The following TTC7B variants were observed in gnomAD, a reference collection of about 807,000 sequenced individuals.
The protein encoded by TTC7B is tetratricopeptide repeat protein 7B.
In TTC7B, 28 loss-of-function variants were observed where a neutral mutation model predicts 106.8. That is an observed-to-expected ratio of 0.26 (90% CI 0.19 to 0.36). The LOEUF (loss-of-function observed/expected upper bound fraction) is 0.36, where lower values mean the gene tolerates loss of function less well. Ranked by LOEUF, TTC7B falls within the 10% of genes least tolerant of loss-of-function variation. The pLI is 1.00. For missense variants in TTC7B, 862 were observed against 1,076.4 expected, an observed-to-expected ratio of 0.80 and a Z score of 2.79; for synonymous variants, 405 against 430.6, an observed-to-expected ratio of 0.94 and a Z score of 0.74.
rs57917232 is a variant in TTC7B, at chr14:90,745,313, A to AGAAGAAGAAGAAG, written c.446-392_446-391insCTTCTTCTTCTTC. Among the ~76,000 whole-genome samples, 2 of 136,074 alleles carry AGAAGAAGAAGAAG rather than the reference A, an allele frequency of 1.5e-5. 1 individual carries two copies. The highest frequency in any genetic ancestry group is 5.5e-5 in the African/African-American group (2 of 36,380). The allele number at this position is 136,074 out of a possible 152,430, so 89.3% of individuals were successfully genotyped here. On this transcript the variant is annotated intron_variant, in intron 3 of 19. Coordinates refer to ENST00000328459, the MANE Select transcript of TTC7B (RefSeq NM_001010854.2). ...CCTGTCTCCCAAAAAAAAAAAAAAA[A>AGAAGAAGAAGAAG]AAGAAGAAGAAGAAGAAGAAGTGGT...
At chr14:90,566,681 G>A (rs911606179) in intron 19 of TTC7B, among the ~76,000 whole-genome samples, 5 of 152,214 alleles carry the variant, frequency 3.3e-5, no homozygotes, top group South Asian at 4.1e-4. Context: ...ATCAGTGAAC[G>A]TGGTGGGCAG....
At chr14:90,773,610 C>T (rs1224912124) in intron 3 of TTC7B, among the ~76,000 whole-genome samples, 1 of 152,220 alleles carries the variant, frequency 6.6e-6, no homozygotes, top group Non-Finnish European at 1.5e-5. Context: ...TGCTCAGGCA[C>T]AGGGAACCCC....
At chr14:90,713,073 CAG>C (rs991416874) in intron 5 of TTC7B, among the ~76,000 whole-genome samples, 2 of 152,086 alleles carry the variant, frequency 1.3e-5, no homozygotes, top group Non-Finnish European at 2.9e-5. Context: ...CAATTGAAAA[CAG>C]GGCAAAAGTT....
intron 18 of TTC7B, among the ~76,000 whole-genome samples, chr14:90,580,006 C>T (rs1286562645): frequency 7.9e-5 from 12 of 152,336 alleles, no homozygotes; most frequent in Non-Finnish European, 1.5e-4. Context: ...ACCTCTGGGG[C>T]GGCAGCCACC....
At chr14:90,677,773 G>C in intron 8 of TTC7B, 2 of 450,270 alleles carry the variant, frequency 4.4e-6, no homozygotes, top group South Asian at 3.2e-5. Flanking sequence ...CATTTTCTTT[G>C]TGTGTGAGTC....
At chr14:90,658,902 C>T (rs1886065958) in intron 9 of TTC7B, among the ~76,000 whole-genome samples, 1 of 152,234 alleles carries the variant, frequency 6.6e-6, no homozygotes, top group African/African-American at 2.4e-5. Flanking sequence ...ACTTCCCTCT[C>T]AGTCAGCGAG....
At position 90,757,092 on chromosome 14, in the gene TTC7B, C is replaced by T. The variant is rs536050458; in HGVS notation, c.446-12170G>A. The stretch of plus-strand genomic sequence containing the variant: ...GACAAACAGTTAGCAGAAGGCTTAA[C>T]GTGGTGGATCTCCACCAGGCATGGC... On this transcript the variant is annotated intron_variant, in intron 3 of 19. Coordinates refer to ENST00000328459, the MANE Select transcript of TTC7B (RefSeq NM_001010854.2). The surrounding 1 kb of genome is among the most constrained non-coding windows in gnomAD (Gnocchi z 4.1). 1.8e-4 allele frequency among the ~76,000 whole-genome samples: 27 copies of T among 152,236 alleles called. No individual in the cohort carries two copies. Among genetic ancestry groups the T allele is most frequent in the African/African-American group, 6.5e-4 (27 of 41,532 alleles).
At position 90,663,604 on chromosome 14, in the gene TTC7B, T is replaced by A. The variant is rs951659226; in HGVS notation, c.1153-5217A>T. ...GCCACGTCTCCAGCCCATCGCAAAG[T>A]TCTCAATCGACAAAGATTACATGAG... On this transcript the variant is annotated intron_variant, in intron 9 of 19. Transcript: ENST00000328459. This position sits in a 1 kb window ranked among gnomAD's most constrained non-coding sequence, Gnocchi z 4.5. 1.3e-5 allele frequency among the ~76,000 whole-genome samples: 2 copies of A among 152,138 alleles called. No homozygotes were observed. The highest frequency in any genetic ancestry group is 4.8e-5 in the African/African-American group (2 of 41,420).
intron 19 of TTC7B, among the ~76,000 whole-genome samples, chr14:90,555,402 T>G (rs142733314): frequency 1.8e-3 from 272 of 152,174 alleles, no homozygotes; most frequent in African/African-American, 6.4e-3. Flanking sequence ...TAAGAGGACC[T>G]AGGGAAGGGG....
In TTC7B at chr14:90,573,224, C is replaced by T. The variant is rs556460775; in HGVS notation, c.2310+4882G>A. Among the ~76,000 whole-genome samples the T allele has an allele frequency of 3.8e-4, 58 of 152,292 alleles. No homozygotes were observed. In the South Asian group the frequency reaches 4.3e-3, roughly 11 times the overall value. The stretch of plus-strand genomic sequence containing the variant: ...ATTGGCTGTGAAATATAATGGCCTC[C>T]GTCCTAGCCTTGGGGAATGCTCATC... On this transcript the variant is annotated intron_variant, in intron 19 of 19. Transcript: ENST00000328459.
At chr14:90,707,319 A>G (rs934443487) in intron 5 of TTC7B, among the ~76,000 whole-genome samples, 2 of 152,180 alleles carry the variant, frequency 1.3e-5, no homozygotes, top group Non-Finnish European at 2.9e-5. Flanking sequence ...CCATTTCCCC[A>G]TCTCTCTCCC....
intron 19 of TTC7B, 79 bp from the exon 20 acceptor site, chr14:90,541,668 C>T: frequency 8.5e-7 from 1 of 1,174,394 alleles, no homozygotes; most frequent in East Asian, 2.7e-5. Context: ...CCTCGAGTTT[C>T]CAGTCAGTTC....
intron 5 of TTC7B, among the ~76,000 whole-genome samples, chr14:90,725,207 A>C (rs916492824): frequency 6.6e-6 from 1 of 152,214 alleles, no homozygotes; most frequent in Non-Finnish European, 1.5e-5. Flanking sequence ...GACCTCCAGA[A>C]GGCCAGAATG....
chr14:90,676,968 AG>A (rs1393197989), intron 8 of TTC7B, among the ~76,000 whole-genome samples: 2 of 152,172 alleles, frequency 1.3e-5, no homozygotes, highest in Non-Finnish European at 2.9e-5. Flanking sequence ...TCGGGTTCAT[AG>A]CCAGCCTCAT....
At position 90,577,355 on chromosome 14, in the gene TTC7B, G is replaced by A. The variant is rs1200163702; in HGVS notation, c.2310+751C>T. On this transcript the variant is annotated intron_variant, in intron 19 of 19. Coordinates refer to ENST00000328459, the MANE Select transcript of TTC7B (RefSeq NM_001010854.2). This position sits in a 1 kb window ranked among gnomAD's most constrained non-coding sequence, Gnocchi z 5.0. ...AGCTGCACTAACACACGTTCATAACGGACAGAACCCTCCTGAGCGAGCAGT... is the reference window on the plus strand; with the variant it reads ...AGCTGCACTAACACACGTTCATAACAGACAGAACCCTCCTGAGCGAGCAGT... 2.0e-5 allele frequency among the ~76,000 whole-genome samples: 3 copies of A among 152,164 alleles called. No individual in the cohort carries two copies. Among genetic ancestry groups the A allele is most frequent in the Admixed American group, 6.5e-5 (1 of 15,278 alleles).
chr14:90,541,618 GT>G, intron 19 of TTC7B, 29 bp from the exon 20 acceptor site: 1 of 1,512,132 alleles, frequency 6.6e-7, no homozygotes, highest in Non-Finnish European at 8.9e-7. Flanking sequence ...GAGAGAGACA[GT>G]CAGCCATGGA....
chr14:90,640,832 T>A (rs1291970903), intron 15 of TTC7B, among the ~76,000 whole-genome samples: 2 of 152,326 alleles, frequency 1.3e-5, no homozygotes, highest in East Asian at 1.9e-4. Flanking sequence ...GAAATGAGAC[T>A]CAGAGAGATT....
rs368442044 is a variant in TTC7B at position 90,644,035 on chromosome 14, C to G, written c.1751+13G>C. The G allele has an allele frequency of 1.2e-6, 2 of 1,613,902 alleles. No individual in the cohort carries two copies. Among genetic ancestry groups the G allele is most frequent in the African/African-American group, 2.7e-5 (2 of 74,858 alleles). On this transcript the variant is annotated intron_variant, in intron 15 of 19. Coordinates refer to ENST00000328459, the MANE Select transcript of TTC7B (RefSeq NM_001010854.2). ...TTCTGAGTAAGGGAAAACCAAAGCC[C>G]AGGATCACTTACATGAAATTTTCTG... is the stretch of plus-strand genomic sequence containing the variant.
intron 3 of TTC7B, among the ~76,000 whole-genome samples, chr14:90,762,485 G>A (rs1485568627): frequency 6.6e-6 from 1 of 152,196 alleles, no homozygotes; most frequent in Non-Finnish European, 1.5e-5. Flanking sequence ...CTCTGTGCCA[G>A]AAAGATCTTT....
Sources: allele counts gnomAD v4.1 joint callset (sites outside exome capture counted in the v4.1 genomes callset), GRCh38; gene constraint gnomAD v4.1.1; non-coding constraint Gnocchi (gnomAD v3.1); transcripts MANE v1.5; gene names NCBI Gene and HGNC (gene_info 2026-07-23, HGNC 2026-07-21).